Variants in CTIF observed in about 807,000 individuals in gnomAD.
CTIF encodes cap binding complex dependent translation initiation factor.
CTIF carries 21 observed loss-of-function variants against 66.0 expected under a neutral mutation model. The ratio of observed to expected loss-of-function variants is 0.32; its 90% CI spans 0.23 to 0.46. The LOEUF (loss-of-function observed/expected upper bound fraction) is 0.46, where lower values mean the gene tolerates loss of function less well. CTIF is among the 20% of genes least tolerant of loss of function. The pLI, the probability that CTIF is intolerant of heterozygous loss-of-function variation, is 1.00. For synonymous variants in CTIF, 345 were observed against 326.4 expected, an observed-to-expected ratio of 1.06 and a Z score of -0.62; for missense variants, 739 against 812.7, an observed-to-expected ratio of 0.91 and a Z score of 1.10.
intron 2 of CTIF, among the ~76,000 whole-genome samples, chr18:48,626,020 G>A (rs1279095020): frequency 4.3e-5 from 1 of 23,184 alleles, no homozygotes; most frequent in East Asian, 9.8e-4. Context: ...TTTTTTTTTT[G>A]AGATGGAGTC....
chr18:48,826,422 C>T (rs1476893663), intron 10 of CTIF: 1 of 152,280 alleles, frequency 6.6e-6, no homozygotes, highest in Non-Finnish European at 1.5e-5. Context: ...TTGCATTCCT[C>T]CCACCATGAG....
intron 7 of CTIF, among the ~76,000 whole-genome samples, chr18:48,732,708 A>G (rs951159363): frequency 1.3e-5 from 2 of 152,168 alleles, no homozygotes; most frequent in Non-Finnish European, 2.9e-5. Context: ...GGCTCGCAGC[A>G]TTGCCTCTCC....
At chr18:48,733,863 AG>A (rs1186800913) in intron 7 of CTIF, among the ~76,000 whole-genome samples, 1 of 152,124 alleles carries the variant, frequency 6.6e-6, no homozygotes, top group Non-Finnish European at 1.5e-5. Context: ...ATCATAACTA[AG>A]CCCTCCCTTC....
intron 7 of CTIF, among the ~76,000 whole-genome samples, chr18:48,752,981 G>A (rs1260372292): frequency 6.6e-6 from 1 of 152,146 alleles, no homozygotes; most frequent in African/African-American, 2.4e-5. Context: ...TTTGTTCCTG[G>A]GTCCTATATG....
intron 3 of CTIF, among the ~76,000 whole-genome samples, chr18:48,645,766 G>A (rs997209842): frequency 2.1e-5 from 3 of 144,196 alleles, no homozygotes; most frequent in Admixed American, 2.1e-4. Context: ...GCATGTCAGA[G>A]GGGACCACAT....
chr18:48,587,515 C>T (rs1281616085), intron 1 of CTIF, among the ~76,000 whole-genome samples: 1 of 152,198 alleles, frequency 6.6e-6, no homozygotes, highest in Admixed American at 6.5e-5. Flanking sequence ...TTGGTCTGGT[C>T]TGTGCTGTGG....
Position 48,817,371 on chromosome 18 carries a change from A to T in CTIF, c.1522A>T (p.Arg508Trp). 2 of 1,610,724 alleles carry T rather than the reference A, an allele frequency of 1.2e-6. No individual in the cohort carries two copies. Among genetic ancestry groups the T allele is most frequent in the Non-Finnish European group, 1.7e-6 (2 of 1,178,592 alleles). Residue 508 changes from arginine to tryptophan, a missense_variant, in exon 10 of 12, where the codon AGG (arginine) becomes TGG (tryptophan). Physicochemically the swap from Arg to Trp is moderately radical, Grantham distance 101 (BLOSUM62 -3). Around this residue, in one of 2 missense-constraint regions of CTIF, gnomAD observed 210 missense variants for 292.3 expected, o/e 0.72. Coordinates refer to ENST00000256413, the MANE Select transcript of CTIF (RefSeq NM_014772.3). ...VLVCPIYTCL[R>W]ELLQSQDVKE... Reference sequence around the variant, plus strand: ...CGTGTGCCCCATCTACACCTGCCTCAGGGAGGTAAGAGACCTGCCGCCTGT... The same window carrying T: ...CGTGTGCCCCATCTACACCTGCCTCTGGGAGGTAAGAGACCTGCCGCCTGT...
intron 9 of CTIF, among the ~76,000 whole-genome samples, chr18:48,804,125 C>G (rs867512170): frequency 2.6e-5 from 4 of 152,262 alleles, no homozygotes; most frequent in Middle Eastern, 3.4e-3. Context: ...GGTCAGGGGT[C>G]GTTGGCCAGG....
At chr18:48,728,820 C>T (rs2092410828) in intron 7 of CTIF, among the ~76,000 whole-genome samples, 1 of 152,126 alleles carries the variant, frequency 6.6e-6, no homozygotes. Flanking sequence ...AAGCAACATA[C>T]CATCCCTTCT....
chr18:48,857,543 C>T (rs778228665), intron 10 of CTIF, 45 bp from the exon 11 acceptor site: 52 of 1,566,500 alleles, frequency 3.3e-5, no homozygotes, highest in Admixed American at 2.7e-4. Flanking sequence ...GCCCAGTAGC[C>T]GGCATGTCTC....
At chr18:48,707,905 A>G (rs1051653858) in intron 6 of CTIF, among the ~76,000 whole-genome samples, 1 of 152,122 alleles carries the variant, frequency 6.6e-6, no homozygotes, top group Non-Finnish European at 1.5e-5. Flanking sequence ...GCAACCACGG[A>G]TCCACTTTCC....
intron 9 of CTIF, among the ~76,000 whole-genome samples, chr18:48,777,081 CTGAT>C (rs1305806313): frequency 6.6e-6 from 1 of 152,240 alleles, no homozygotes; most frequent in Non-Finnish European, 1.5e-5. Context: ...CTGTTGCTGA[CTGAT>C]TGGTTAGCGG....
intron 2 of CTIF, among the ~76,000 whole-genome samples, chr18:48,623,889 A>C (rs982073947): frequency 5.9e-5 from 9 of 152,036 alleles, no homozygotes; most frequent in East Asian, 1.9e-4. Flanking sequence ...GGCTGGCTGG[A>C]TGGATGGATA....
intron 9 of CTIF, among the ~76,000 whole-genome samples, chr18:48,776,259 C>T (rs1192351851): frequency 6.6e-6 from 1 of 152,238 alleles, no homozygotes; most frequent in Non-Finnish European, 1.5e-5. Flanking sequence ...CCCCATGTGC[C>T]CCAACCAGCC....
At chr18:48,840,293 G>A (rs1001419172) in intron 10 of CTIF, among the ~76,000 whole-genome samples, 1 of 152,216 alleles carries the variant, frequency 6.6e-6, no homozygotes, top group Admixed American at 6.5e-5. Context: ...TGGGAAGACT[G>A]TAGGGCCCAG....
intron 7 of CTIF, among the ~76,000 whole-genome samples, chr18:48,735,729 C>G (rs771032629): frequency 6.6e-6 from 1 of 152,138 alleles, no homozygotes; most frequent in Non-Finnish European, 1.5e-5. Context: ...GATTAAGTTT[C>G]CCCCATCAAA....
At position 48,761,756 on chromosome 18, in the gene CTIF, G is replaced by A. The variant is rs1262262807; in HGVS notation, c.1371+67G>A. 6.8e-7 allele frequency: 1 copy of A among 1,470,106 alleles called. No homozygotes were observed. The highest frequency in any genetic ancestry group is 1.9e-5 in the Admixed American group (1 of 52,810). The allele number at this position is 1,470,106 out of a possible 1,614,324, so 91.1% of individuals were successfully genotyped here. ...CTCTGCGTTCGGTGAGTTATTCCTA[G>A]CGAGAAGGCTGCGAGTTCTGGCCAC... On this transcript the variant is annotated intron_variant, in intron 9 of 11. Coordinates refer to ENST00000256413, the MANE Select transcript of CTIF (RefSeq NM_014772.3). The surrounding 1 kb of genome is among the most constrained non-coding windows in gnomAD (Gnocchi z 4.2).
chr18:48,771,115 C>A (rs1910074550), intron 9 of CTIF, among the ~76,000 whole-genome samples: 1 of 152,228 alleles, frequency 6.6e-6, no homozygotes, highest in African/African-American at 2.4e-5. Context: ...CTAGTCAAAT[C>A]TGCCTCCTCC....
At chr18:48,742,925 C>T (rs2092567151) in intron 7 of CTIF, among the ~76,000 whole-genome samples, 1 of 152,344 alleles carries the variant, frequency 6.6e-6, no homozygotes. Context: ...CTTGGCCCCT[C>T]CACCAGTCTA....
Sources: gnomAD v4.1 joint callset for allele counts (sites outside exome capture counted in the v4.1 genomes callset) on GRCh38, gnomAD v4.1.1 for gene constraint, gnomAD v4.1.1 regional missense constraint, Gnocchi (gnomAD v3.1) non-coding constraint, MANE v1.5 for transcripts, NCBI Gene and HGNC (gene_info 2026-07-23, HGNC 2026-07-21) for gene names.